The following GPR137B variants were observed in gnomAD, a reference collection of about 807,000 sequenced individuals.
The protein encoded by GPR137B is G protein-coupled receptor 137B.
GPR137B carries 42 observed loss-of-function variants against 42.5 expected under a neutral mutation model. That is an observed-to-expected ratio of 0.99 (90% CI 0.77 to 1.28). GPR137B has a LOEUF of 1.28. GPR137B is among the 50% of genes most tolerant of loss of function. GPR137B has a pLI of 0.00. For synonymous variants in GPR137B, 218 were observed against 209.7 expected (o/e 1.04, Z -0.34); for missense variants, 487 against 493.9 (o/e 0.99, Z 0.13).
At chr1:236,158,239 A>C (rs10924416) in intron 1 of GPR137B, among the ~76,000 whole-genome samples, 40,797 of 152,016 alleles carry the variant, frequency 0.27, 6,628 homozygotes, top group African/African-American at 0.43. Context: ...ACCTGGCCAA[A>C]ATGGTGAAAC....
intron 2 of GPR137B, among the ~76,000 whole-genome samples, chr1:236,175,305 A>G (rs768554386): frequency 2.6e-5 from 4 of 152,142 alleles, no homozygotes; most frequent in Non-Finnish European, 5.9e-5. Context: ...GTGGAGGAGG[A>G]GAGGGGAGAG....
intron 2 of GPR137B, among the ~76,000 whole-genome samples, chr1:236,173,761 C>CTA (rs35068674): frequency 6.6e-6 from 1 of 151,740 alleles, no homozygotes; most frequent in African/African-American, 2.4e-5. Flanking sequence ...GTACAAAATT[C>CTA]TTTCTGTGGA....
At position 236,143,033 on chromosome 1, in the gene GPR137B, G is replaced by A. The variant is rs377672894; in HGVS notation, c.411G>A (p.Thr137=). Residue 137 remains threonine (T), a synonymous_variant, in exon 1 of 7, where the codon ACG becomes ACA. Coordinates refer to ENST00000366592, the MANE Select transcript of GPR137B (RefSeq NM_003272.4). ...FTLTLMNLYF[T]QVIFKAKSKY... The stretch of plus-strand genomic sequence containing the variant: ...TCACGCTGATGAACTTGTACTTCAC[G>A]CAGGTGAGTTTCAGAGAGGCTCCTG... The A allele has an allele frequency of 6.2e-7, 1 of 1,608,696 alleles. No individual in the cohort carries two copies. The highest frequency in any genetic ancestry group is 1.3e-5 in the African/African-American group (1 of 74,854).
chr1:236,173,741 T>A (rs1474073966), intron 2 of GPR137B, among the ~76,000 whole-genome samples: 7 of 145,484 alleles, frequency 4.8e-5, no homozygotes, highest in Non-Finnish European at 8.9e-5. Flanking sequence ...GCAGTAGTAT[T>A]GGGGGCAGTG....
In GPR137B at chr1:236,208,116, G is replaced by A. The variant is rs1361358334; in HGVS notation, c.1158G>A (p.Leu386=). Residue 386 remains leucine, a synonymous_variant, in exon 7 of 7, where the codon TTG becomes TTA. Transcript: ENST00000366592. Reference sequence around the variant, plus strand: ...GCTTCCTGGCACAAGCAGGAACTTTGCAAGACTCAACTTTGGATCCTGACA... The same window carrying A: ...GCTTCCTGGCACAAGCAGGAACTTTACAAGACTCAACTTTGGATCCTGACA... ...TNSFLAQAGT[L]QDSTLDPDKP... 1 of 1,613,658 alleles carries A rather than the reference G, an allele frequency of 6.2e-7. No individual in the cohort carries two copies. The highest frequency in any genetic ancestry group is 8.5e-7 in the Non-Finnish European group (1 of 1,179,602).
intron 1 of GPR137B, among the ~76,000 whole-genome samples, chr1:236,148,989 G>A (rs1242689462): frequency 1.3e-5 from 2 of 152,128 alleles, no homozygotes; most frequent in Non-Finnish European, 2.9e-5. Context: ...GTCGGAGTGG[G>A]TTAAAGGAGA....
At chr1:236,204,761 TTTTAGTCTTTCCGG>T (rs1663604657) in intron 5 of GPR137B, among the ~76,000 whole-genome samples, 1 of 152,094 alleles carries the variant, frequency 6.6e-6, no homozygotes, top group Non-Finnish European at 1.5e-5. Context: ...TCTGTTCGGG[TTTTAGTCTTTCCGG>T]TTTAGTCTTA....
rs113552386 is a variant in GPR137B at position 236,169,490 on chromosome 1, T to C, written c.464+735T>C. On this transcript the variant is annotated intron_variant, in intron 2 of 6. Transcript: ENST00000366592. ...TGTTATAGCTGAGAAGTGGACACTC[T>C]ATATTTGTAACAATGGCTTAACACA... 6.7e-3 allele frequency among the ~76,000 whole-genome samples: 1,025 copies of C among 152,342 alleles called. 12 individuals carry two copies. The highest frequency in any genetic ancestry group is 0.011 in the Non-Finnish European group (737 of 68,026).
intron 1 of GPR137B, among the ~76,000 whole-genome samples, chr1:236,157,046 C>T (rs963107347): frequency 6.6e-6 from 1 of 152,096 alleles, no homozygotes; most frequent in South Asian, 2.1e-4. Context: ...TGTCCAGGTG[C>T]TCTACATGTC....
chr1:236,170,151 C>G (rs544715839), intron 2 of GPR137B, among the ~76,000 whole-genome samples: 2 of 151,364 alleles, frequency 1.3e-5, no homozygotes, highest in Admixed American at 6.6e-5. Flanking sequence ...GGGGTTCTGG[C>G]GTTTCTGCCC....
chr1:236,180,041 G>T lies in GPR137B; in HGVS notation c.837+13G>T, dbSNP rs369137317. On this transcript the variant is annotated intron_variant, in intron 4 of 6. Coordinates refer to ENST00000366592, the MANE Select transcript of GPR137B (RefSeq NM_003272.4). ...TGTATCAGACCAGGTCAGTGGGGGC[G>T]CTGAGGAGGTGTCACCTGACCAGGG... is the stretch of plus-strand genomic sequence containing the variant. 6.2e-7 allele frequency: 1 copy of T among 1,609,336 alleles called. No individual in the cohort carries two copies. Among genetic ancestry groups the T allele is most frequent in the Non-Finnish European group, 8.5e-7 (1 of 1,175,674 alleles).
In GPR137B at chr1:236,150,307, ATGTGCCTGTGTGTGTGTCTGTGCATGTG is replaced by A. The variant is rs1352446220; in HGVS notation, c.414+7288_414+7315del. On this transcript the variant is annotated intron_variant, in intron 1 of 6. Transcript: ENST00000366592. This position sits in a 1 kb window ranked among gnomAD's most constrained non-coding sequence, Gnocchi z 6.2. ...TGTGTCTTTGCCTGTGTTTGTGTGT[ATGTGCCTGTGTGTGTGTCTGTGCATGTG>A]TGTGCCTGTGTGTGTGGAAAGGTTT... 1.0e-5 allele frequency among the ~76,000 whole-genome samples: 1 copy of A among 98,234 alleles called. No homozygotes were observed. The highest frequency in any genetic ancestry group is 3.7e-4 in the South Asian group (1 of 2,720). 64.4% of individuals were successfully genotyped at this position (98,234 alleles called of 152,430 possible).
Position 236,183,849 on chromosome 1 carries a change from C to A in GPR137B, c.909C>A (p.Leu303=). The A allele has an allele frequency of 6.2e-7, 1 of 1,605,386 alleles. No homozygotes were observed. ...GAGTGGTGTTATTTGTTTGGGAACT[C>A]TTACCTACCACCTTAGTCGTTTATT... is the stretch of plus-strand genomic sequence containing the variant. ...LFGVVLFVWE[L]LPTTLVVYFF... The change falls in exon 5 of 7, where the codon CTC becomes CTA. Residue 303 remains leucine (L), a synonymous_variant. Coordinates refer to ENST00000366592, the MANE Select transcript of GPR137B (RefSeq NM_003272.4).
chr1:236,200,922 AG>A lies in GPR137B; in HGVS notation c.967-4202del, dbSNP rs1298100441. On this transcript the variant is annotated intron_variant, in intron 5 of 6. Transcript: ENST00000366592. ...ATACTTTTTTTTTTCATTGTTTTAT[AG>A]GCCTGGTGAGATTTATGCTTTAAGG... is the stretch of plus-strand genomic sequence containing the variant. Among the ~76,000 whole-genome samples, 7 of 151,256 alleles carry A rather than the reference AG, an allele frequency of 4.6e-5. No homozygotes were observed. The East Asian group carries it at 1.2e-3, about 25-fold the overall frequency.
intron 1 of GPR137B, 44 bp downstream of exon 1, chr1:236,143,080 G>A: frequency 3.3e-6 from 5 of 1,532,504 alleles, no homozygotes; most frequent in Non-Finnish European, 4.4e-6. Flanking sequence ...CTGGCGGGGT[G>A]GTCCCCGCGG....
intron 2 of GPR137B, among the ~76,000 whole-genome samples, chr1:236,173,282 C>A (rs1397452539): frequency 7.3e-6 from 1 of 137,134 alleles, no homozygotes; most frequent in Admixed American, 7.6e-5. Flanking sequence ...CAGAGCAAGA[C>A]CCTGTCTCAA....
chr1:236,171,912 G>C lies in GPR137B; in HGVS notation c.464+3157G>C, dbSNP rs1307839166. On this transcript the variant is annotated intron_variant, in intron 2 of 6. Coordinates refer to ENST00000366592, the MANE Select transcript of GPR137B (RefSeq NM_003272.4). The surrounding 1 kb of genome is among the most constrained non-coding windows in gnomAD (Gnocchi z 4.4). ...AAATTAGCCAGGCATGATGGCGCAT[G>C]CCTGTAATCCCAGCTACTTGGGAGG... is the stretch of plus-strand genomic sequence containing the variant. Among the ~76,000 whole-genome samples the C allele has an allele frequency of 6.6e-6, 1 of 152,126 alleles. No homozygotes were observed. Among genetic ancestry groups the C allele is most frequent in the East Asian group, 1.9e-4 (1 of 5,188 alleles).
chr1:236,168,660 G>A (rs765116789), intron 1 of GPR137B, 46 bp from the exon 2 acceptor site: 4 of 1,493,908 alleles, frequency 2.7e-6, no homozygotes, highest in Admixed American at 3.3e-5. Context: ...GTCTGGTTCT[G>A]TCAACATATT....
chr1:236,143,037 G>T lies in GPR137B; in HGVS notation c.414+1G>T. ...GCTGATGAACTTGTACTTCACGCAG[G>T]TGAGTTTCAGAGAGGCTCCTGGAGG... is the stretch of plus-strand genomic sequence containing the variant. On this transcript the variant is annotated splice_donor_variant, in intron 1 of 6. Coordinates refer to ENST00000366592, the MANE Select transcript of GPR137B (RefSeq NM_003272.4). LOFTEE classifies it high-confidence loss of function. 6.2e-7 allele frequency: 1 copy of T among 1,607,536 alleles called. No homozygotes were observed. Among genetic ancestry groups the T allele is most frequent in the Non-Finnish European group, 8.5e-7 (1 of 1,177,072 alleles).
Sources: gnomAD v4.1 joint callset for allele counts (sites outside exome capture counted in the v4.1 genomes callset) on GRCh38, gnomAD v4.1.1 for gene constraint, Gnocchi (gnomAD v3.1) non-coding constraint, MANE v1.5 for transcripts, NCBI Gene and HGNC (gene_info 2026-07-23, HGNC 2026-07-21) for gene names.